The following EML4 variants were observed in gnomAD, a reference collection of about 807,000 sequenced individuals.
The protein encoded by EML4 is EMAP like 4.
Under a neutral mutation model 129.0 loss-of-function variants are expected in EML4, and 72 were observed. The observed-to-expected ratio is 0.56, with a 90% confidence interval of 0.46 to 0.68. The LOEUF (loss-of-function observed/expected upper bound fraction) is 0.68, where lower values mean the gene tolerates loss of function less well. Ranked by LOEUF, EML4 falls within the 30% of genes least tolerant of loss-of-function variation. EML4 has a pLI of 0.00. For synonymous variants in EML4, 532 were observed against 405.0 expected (o/e 1.31, Z -3.77); for missense variants, 1,363 against 1,190.6 (o/e 1.14, Z -2.13).
At chr2:42,272,431 C>T (rs1666422863) in intron 6 of EML4, among the ~76,000 whole-genome samples, 1 of 152,092 alleles carries the variant, frequency 6.6e-6, no homozygotes, top group Non-Finnish European at 1.5e-5. Context: ...TGTATACTGA[C>T]CACCCAGATT....
At chr2:42,222,417 G>A (rs1305143037) in intron 1 of EML4, among the ~76,000 whole-genome samples, 1 of 152,066 alleles carries the variant, frequency 6.6e-6, no homozygotes, top group Non-Finnish European at 1.5e-5. Context: ...ACTCATTAAA[G>A]TTATATGAAT....
At chr2:42,187,050 G>T (rs1052562263) in intron 1 of EML4, among the ~76,000 whole-genome samples, 3 of 137,474 alleles carry the variant, frequency 2.2e-5, no homozygotes, top group African/African-American at 5.3e-5. Context: ...TTTTTGGAGC[G>T]GGGGGGTGGG....
In EML4 at chr2:42,325,980, T is replaced by C. The variant is rs1361007164; in HGVS notation, c.2243-174T>C. The C allele has an allele frequency of 1.2e-5, 7 of 600,184 alleles. No homozygotes were observed. The African/African-American group carries it at 1.4e-4, about 12-fold the overall frequency. The allele number at this position is 600,184 out of a possible 1,614,324, so 37.2% of individuals were successfully genotyped here. A position where few individuals can be genotyped will look rare whatever the true frequency, so the allele number is the denominator to read the frequency against. On this transcript the variant is annotated intron_variant, in intron 20 of 22. Coordinates refer to ENST00000318522, the MANE Select transcript of EML4 (RefSeq NM_019063.5). ...AACTTCCATGGGAAACAGTTTGTAG[T>C]TTTATAAACCCTGTTAAAGTGAACA...
intron 1 of EML4, among the ~76,000 whole-genome samples, chr2:42,180,661 C>T (rs1010058025): frequency 6.6e-6 from 1 of 152,172 alleles, no homozygotes; most frequent in Non-Finnish European, 1.5e-5. Context: ...CACCCTCTAA[C>T]ATTTTAGTGT....
chr2:42,219,790 G>T (rs968269108), intron 1 of EML4, among the ~76,000 whole-genome samples: 1 of 151,090 alleles, frequency 6.6e-6, no homozygotes, highest in Non-Finnish European at 1.5e-5. Context: ...CCGGGCGTAA[G>T]GGGCGCATGT....
In EML4 at chr2:42,177,256, C is replaced by CTT. The variant is rs70959501; in HGVS notation, c.25+7630_25+7631dup. ...CTTAACAACCTTCACTTTCATACCT[C>CTT]TTTTTTTTTTTAAAGAAATGACATT... On this transcript the variant is annotated intron_variant, in intron 1 of 22. Coordinates refer to ENST00000318522, the MANE Select transcript of EML4 (RefSeq NM_019063.5). Among the ~76,000 whole-genome samples the CTT allele has an allele frequency of 1.2e-3, 180 of 147,984 alleles. 1 individual carries two copies. The highest frequency in any genetic ancestry group is 3.8e-3 in the Admixed American group (57 of 14,884).
intron 1 of EML4, among the ~76,000 whole-genome samples, chr2:42,236,858 C>A (rs185044405): frequency 1.3e-5 from 2 of 152,090 alleles, no homozygotes; most frequent in South Asian, 4.1e-4. Context: ...CAGTCTGGTA[C>A]GCATAAGATA....
chr2:42,291,398 CTTTTT>C (rs5830720), intron 11 of EML4, among the ~76,000 whole-genome samples: 10 of 123,144 alleles, frequency 8.1e-5, no homozygotes, highest in South Asian at 5.7e-4. Context: ...ATCAAGACAC[CTTTTT>C]TTTTTTTTTT....
intron 1 of EML4, among the ~76,000 whole-genome samples, chr2:42,171,595 C>T (rs1468123133): frequency 6.6e-6 from 1 of 152,012 alleles, no homozygotes; most frequent in East Asian, 1.9e-4. Flanking sequence ...CATTGTTGAC[C>T]CTAATGTTGG....
chr2:42,260,619 TAAC>T (rs1214716955), intron 3 of EML4, among the ~76,000 whole-genome samples: 1 of 152,256 alleles, frequency 6.6e-6, no homozygotes, highest in Non-Finnish European at 1.5e-5. Context: ...ATAATTAAAA[TAAC>T]AACTGGCATA....
intron 20 of EML4, 61 bp downstream of exon 20, chr2:42,325,615 TATATATA>T: frequency 1.6e-5 from 1 of 61,154 alleles, no homozygotes; most frequent in Non-Finnish European, 2.5e-5. Context: ...TATATATATA[TATATATA>T]TATATATATA....
At chr2:42,203,084 G>T (rs1672333788) in intron 1 of EML4, among the ~76,000 whole-genome samples, 1 of 152,112 alleles carries the variant, frequency 6.6e-6, no homozygotes, top group Non-Finnish European at 1.5e-5. Flanking sequence ...TAGAATAGTG[G>T]ATTTTAAATG....
chr2:42,253,926 A>G (rs1048785177), intron 2 of EML4, among the ~76,000 whole-genome samples: 2 of 152,252 alleles, frequency 1.3e-5, no homozygotes, highest in African/African-American at 4.8e-5. Context: ...GAATTTCATC[A>G]AAATTTAAAA....
chr2:42,325,946 G>GA (rs890941729), intron 20 of EML4: 3,491 of 260,822 alleles, frequency 0.013, no homozygotes, highest in Non-Finnish European at 0.018. Flanking sequence ...CTTTTTAGAG[G>GA]AAAAAAAAAA....
intron 1 of EML4, among the ~76,000 whole-genome samples, chr2:42,219,715 C>CAG (rs1673438961): frequency 6.6e-6 from 1 of 151,876 alleles, no homozygotes; most frequent in Admixed American, 6.6e-5. Flanking sequence ...ATCAGGACTT[C>CAG]AAGACCAGCC....
At chr2:42,265,732 ATCAC>A (rs1666024539) in intron 6 of EML4, among the ~76,000 whole-genome samples, 1 of 152,238 alleles carries the variant, frequency 6.6e-6, no homozygotes, top group Non-Finnish European at 1.5e-5. Flanking sequence ...ATTGCAAATA[ATCAC>A]TCATTTCTTG....
chr2:42,214,838 C>G (rs553367483), intron 1 of EML4, among the ~76,000 whole-genome samples: 4 of 152,258 alleles, frequency 2.6e-5, no homozygotes, highest in African/African-American at 9.6e-5. Context: ...CTCAGTTCTC[C>G]TGGAGAAAGT....
At chr2:42,322,682 A>G (rs974509957) in intron 19 of EML4, among the ~76,000 whole-genome samples, 1 of 152,222 alleles carries the variant, frequency 6.6e-6, no homozygotes. Flanking sequence ...TTTGTCTTCA[A>G]GGAGATATAC....
intron 1 of EML4, among the ~76,000 whole-genome samples, chr2:42,180,871 A>C (rs1670895185): frequency 6.6e-6 from 1 of 152,236 alleles, no homozygotes; most frequent in African/African-American, 2.4e-5. Flanking sequence ...TTGATATGGA[A>C]CAGTTCCTTA....
Sources: allele counts gnomAD v4.1 joint callset (sites outside exome capture counted in the v4.1 genomes callset), GRCh38; gene constraint gnomAD v4.1.1; transcripts MANE v1.5; gene names NCBI Gene and HGNC (gene_info 2026-07-23, HGNC 2026-07-21).